The following CDH16 variants were observed in gnomAD, a reference collection of about 807,000 sequenced individuals.
The protein encoded by CDH16 is cadherin 16.
A neutral mutation model predicts 87.6 loss-of-function variants in CDH16; 79 were observed. That is an observed-to-expected ratio of 0.90 (90% CI 0.75 to 1.09). The LOEUF (loss-of-function observed/expected upper bound fraction) is 1.09. CDH16 is among the 50% of genes least tolerant of loss of function. The pLI, the probability that CDH16 is intolerant of heterozygous loss-of-function variation, is 0.00. For missense variants in CDH16, 1,124 were observed against 1,071.7 expected (o/e 1.05, Z -0.68); for synonymous variants, 457 against 439.5 (o/e 1.04, Z -0.50).
intron 5 of CDH16, among the ~76,000 whole-genome samples, chr16:66,915,838 G>A (rs1248982594): frequency 6.6e-6 from 1 of 152,244 alleles, no homozygotes; most frequent in African/African-American, 2.4e-5. Flanking sequence ...GGAGGTTGCA[G>A]TGAGCTGAGA....
At position 66,914,419 on chromosome 16, in the gene CDH16, C is replaced by G; in HGVS notation, c.584-7G>C. 1 of 1,606,492 alleles carries G rather than the reference C, an allele frequency of 6.2e-7. No individual in the cohort carries two copies. Among genetic ancestry groups the G allele is most frequent in the African/African-American group, 1.3e-5 (1 of 74,876 alleles). On this transcript the variant is annotated splice_polypyrimidine_tract_variant and splice_region_variant and intron_variant, in intron 6 of 17. Transcript: ENST00000299752. ...TGGTCAAGGCTGGTGCTCCCTAGAACAGGGAGGATGGTCAGCTGAGCAGGC... is the reference window on the plus strand; with the variant it reads ...TGGTCAAGGCTGGTGCTCCCTAGAAGAGGGAGGATGGTCAGCTGAGCAGGC...
chr16:66,914,662 G>A (rs982369693), intron 6 of CDH16, among the ~76,000 whole-genome samples: 7 of 152,216 alleles, frequency 4.6e-5, no homozygotes, highest in Non-Finnish European at 8.8e-5. Flanking sequence ...TGGATGACCA[G>A]GATGAGGAGA....
chr16:66,909,989 G>C lies in CDH16; in HGVS notation c.2272C>G (p.Arg758Gly). The C allele has an allele frequency of 1.3e-6, 2 of 1,598,018 alleles. No individual in the cohort carries two copies. The highest frequency in any genetic ancestry group is 1.7e-6 in the Non-Finnish European group (2 of 1,171,582). Residue 758 changes from arginine (R) to glycine (G), a missense_variant, in exon 16 of 18, where the codon CGA becomes GGA. Physicochemically the swap from Arg to Gly is moderately radical, Grantham distance 125. Transcript: ENST00000299752. This position sits in a 1 kb window ranked among gnomAD's most constrained non-coding sequence, Gnocchi z 4.1. ...HNAQMWQLLV[R>G]VIVCRCNVEG... ...CTGCACCCAAGCCCAATCTCACCTC[G>C]AACCAGGAGCTGCCACATCTGGGCA...
At chr16:66,914,049 C>A (rs191311117) in intron 7 of CDH16, among the ~76,000 whole-genome samples, 167 bp downstream of exon 7, 1 of 152,204 alleles carries the variant, frequency 6.6e-6, no homozygotes, top group Non-Finnish European at 1.5e-5. Context: ...TGTGGGCCTG[C>A]GTCCAGGGCC....
chr16:66,917,820 C>T (rs1962754230), intron 2 of CDH16, 95 bp from the exon 3 acceptor site: 1 of 1,139,580 alleles, frequency 8.8e-7, no homozygotes, highest in Non-Finnish European at 1.3e-6. Context: ...CTTCCCAGGG[C>T]CTGGCTGTAC....
rs1452286881 is a variant in CDH16, at chr16:66,912,235, C to T, written c.1548+7G>A. On this transcript the variant is annotated splice_region_variant and intron_variant, in intron 12 of 17. Transcript: ENST00000299752. ...TGGGCCCCTTTCCCAGCTACCCAGGCCCTCACCTTGCAGAGTCTGAGTCTA... is the reference window on the plus strand; with the variant it reads ...TGGGCCCCTTTCCCAGCTACCCAGGTCCTCACCTTGCAGAGTCTGAGTCTA... 1.9e-6 allele frequency: 3 copies of T among 1,603,980 alleles called. No homozygotes were observed. Among genetic ancestry groups the T allele is most frequent in the Non-Finnish European group, 2.6e-6 (3 of 1,173,548 alleles).
chr16:66,912,631 CA>C (rs756127312), intron 10 of CDH16, 32 bp downstream of exon 10: 21 of 1,613,814 alleles, frequency 1.3e-5, no homozygotes, highest in South Asian at 3.3e-5. Flanking sequence ...ACAGAGGGGA[CA>C]GGGGGCCTGG....
chr16:66,910,489 C>T lies in CDH16; in HGVS notation c.1938G>A (p.Leu646=), dbSNP rs1476217085. The change falls in exon 15 of 18, where the codon CTG becomes CTA. Residue 646 remains leucine (L), a synonymous_variant. Coordinates refer to ENST00000299752, the MANE Select transcript of CDH16 (RefSeq NM_004062.4). ...VEAQDTDEPR[L]SASAPLVIHF... ...GGATCACCAGGGGTGCAGAAGCGCT[C>T]AGTCTCGGCTCATCTGCAGAGGAGG... 6.5e-7 allele frequency: 1 copy of T among 1,533,862 alleles called. No individual in the cohort carries two copies. Among genetic ancestry groups the T allele is most frequent in the Admixed American group, 1.9e-5 (1 of 51,360 alleles).
intron 3 of CDH16, 82 bp downstream of exon 3, chr16:66,917,560 A>G: frequency 1.1e-6 from 1 of 949,914 alleles, no homozygotes; most frequent in Admixed American, 2.0e-5. Context: ...AGAAACAGCA[A>G]GAGGAAGGGT....
intron 9 of CDH16, 115 bp from the exon 10 acceptor site, chr16:66,913,006 G>A (rs1398102452): frequency 1.5e-6 from 2 of 1,296,254 alleles, no homozygotes; most frequent in South Asian, 1.3e-5. Context: ...GTGTGTGTGT[G>A]TGTGTGTGTG....
At position 66,917,606 on chromosome 16, in the gene CDH16, G is replaced by A. The variant is rs201279296; in HGVS notation, c.129+36C>T. 1.4e-4 allele frequency: 205 copies of A among 1,485,976 alleles called. 1 individual carries two copies. In the African/African-American group the frequency reaches 2.6e-3, roughly 19 times the overall value. 92.0% of individuals were successfully genotyped at this position (1,485,976 alleles called of 1,614,324 possible). On this transcript the variant is annotated intron_variant, in intron 3 of 17. Transcript: ENST00000299752. ...GGAGAAGCAGGACTTTGCGGGGAGGGATCCCCCCGGCCCCAACCCCAGCTC... is the reference window on the plus strand; with the variant it reads ...GGAGAAGCAGGACTTTGCGGGGAGGAATCCCCCCGGCCCCAACCCCAGCTC...
At position 66,918,047 on chromosome 16, in the gene CDH16, A is replaced by G; in HGVS notation, c.19T>C (p.Trp7Arg). 6.3e-7 allele frequency: 1 copy of G among 1,586,022 alleles called. No homozygotes were observed. Among genetic ancestry groups the G allele is most frequent in the Non-Finnish European group, 8.6e-7 (1 of 1,165,924 alleles). The part of the protein sequence containing the change: MVPAWL[W>R]LLCVSVPQAL... The stretch of plus-strand genomic sequence containing the variant: ...TGGGGGACGGAGACACAAAGCAGCC[A>G]CAGCCAGGCAGGGACCATGGTCAGG... Residue 7 changes from tryptophan (W) to arginine (R), a missense_variant, in exon 2 of 18, where the codon TGG becomes CGG. Coordinates refer to ENST00000299752, the MANE Select transcript of CDH16 (RefSeq NM_004062.4).
At chr16:66,908,663 C>T (rs952858694) in intron 17 of CDH16, among the ~76,000 whole-genome samples, 174 bp from the exon 18 acceptor site, 1 of 152,122 alleles carries the variant, frequency 6.6e-6, no homozygotes, top group East Asian at 1.9e-4. Flanking sequence ...CTTGACTCCT[C>T]GGCCGGCTTG....
rs1962438863 is a variant in CDH16, at chr16:66,911,991, CTGGTCCAACTTGGGGGG to C, written c.1681_1697del (p.Pro561GlyfsTer37). 6.2e-7 allele frequency: 1 copy of C among 1,614,054 alleles called. No homozygotes were observed. Among genetic ancestry groups the C allele is most frequent in the African/African-American group, 1.3e-5 (1 of 74,924 alleles). ...TGGGGACACTGGCCTCGTAGCTCTC[CTGGTCCAACTTGGGGGG>C]TGGCATCACTCTCTCCACTAGCACA... On this transcript the variant is annotated frameshift_variant, in exon 13 of 18. Transcript: ENST00000299752. LOFTEE classifies it high-confidence loss of function.
At chr16:66,913,844 T>C (rs777842473) in intron 7 of CDH16, among the ~76,000 whole-genome samples, 3 of 152,084 alleles carry the variant, frequency 2.0e-5, no homozygotes, top group Non-Finnish European at 2.9e-5. Flanking sequence ...CCATGTTACT[T>C]TATTTTCTGC....
At chr16:66,918,253 A>G (rs1962775960) in intron 1 of CDH16, among the ~76,000 whole-genome samples, 175 bp from the exon 2 acceptor site, 1 of 152,152 alleles carries the variant, frequency 6.6e-6, no homozygotes, top group Non-Finnish European at 1.5e-5. Flanking sequence ...AGGCCCACCA[A>G]GGCCCCCAGG....
rs756643742 is a variant in CDH16 at position 66,912,432 on chromosome 16, T to G, written c.1360-2A>C. Reference sequence around the variant, plus strand: ...CTCAGGGAGGCTTATAGGCCCAATCTGGAGGAGGAGGAGGGATGGTGAGCC... The same window carrying G: ...CTCAGGGAGGCTTATAGGCCCAATCGGGAGGAGGAGGAGGGATGGTGAGCC... On this transcript the variant is annotated splice_acceptor_variant, in intron 11 of 17. Coordinates refer to ENST00000299752, the MANE Select transcript of CDH16 (RefSeq NM_004062.4). LOFTEE classifies it high-confidence loss of function. 6.2e-7 allele frequency: 1 copy of G among 1,613,842 alleles called. No individual in the cohort carries two copies. The highest frequency in any genetic ancestry group is 8.5e-7 in the Non-Finnish European group (1 of 1,179,796).
At chr16:66,914,108 G>A in intron 7 of CDH16, 108 bp downstream of exon 7, 1 of 922,060 alleles carries the variant, frequency 1.1e-6, no homozygotes, top group Non-Finnish European at 1.7e-6. Context: ...GTGGAGGGAG[G>A]AGCACGGGTC....
At chr16:66,914,456 AG>A (rs1196423692) in intron 6 of CDH16, 44 bp from the exon 7 acceptor site, 11 of 1,442,444 alleles carry the variant, frequency 7.6e-6, no homozygotes, top group Non-Finnish European at 9.7e-6. Flanking sequence ...GCCAGGGAGC[AG>A]GGGCCAGGGC....
Sources: allele counts gnomAD v4.1 joint callset (sites outside exome capture counted in the v4.1 genomes callset), GRCh38; gene constraint gnomAD v4.1.1; non-coding constraint Gnocchi (gnomAD v3.1); transcripts MANE v1.5; gene names NCBI Gene and HGNC (gene_info 2026-07-23, HGNC 2026-07-21).